The following MLXIP variants were observed in gnomAD, a reference collection of about 807,000 sequenced individuals.
MLXIP encodes the protein MLX interacting protein.
In MLXIP, 30 loss-of-function variants were observed where a neutral mutation model predicts 87.2. That is an observed-to-expected ratio of 0.34 (90% CI 0.26 to 0.47). The LOEUF is 0.47. Ranked by LOEUF, MLXIP falls within the 20% of genes least tolerant of loss-of-function variation. MLXIP has a pLI of 1.00. For missense variants in MLXIP, 1,002 were observed against 1,240.1 expected (o/e 0.81, Z 2.88); for synonymous variants, 530 against 514.0 (o/e 1.03, Z -0.42).
chr12:122,080,720 TA>T (rs1952078517), intron 1 of MLXIP, among the ~76,000 whole-genome samples: 1 of 152,148 alleles, frequency 6.6e-6, no homozygotes, highest in Admixed American at 6.5e-5. Context: ...TTCTGCTTTT[TA>T]AAAAACAAAT....
At chr12:122,094,188 GT>G in intron 1 of MLXIP, among the ~76,000 whole-genome samples, 2 of 106,372 alleles carry the variant, frequency 1.9e-5, no homozygotes, top group South Asian at 6.4e-4. Flanking sequence ...GTTGGTGTGT[GT>G]TGTGTGTGTT....
chr12:122,130,441 G>A (rs74835914), intron 6 of MLXIP, among the ~76,000 whole-genome samples: 2,891 of 151,700 alleles, frequency 0.019, 100 homozygotes, highest in African/African-American at 0.067. Flanking sequence ...CTAAGCCGAG[G>A]CGGCCGGGCC....
chr12:122,092,510 A>C (rs1952261590), intron 1 of MLXIP, among the ~76,000 whole-genome samples: 1 of 152,116 alleles, frequency 6.6e-6, no homozygotes, highest in Admixed American at 6.6e-5. Context: ...TGCCTGGTAC[A>C]CCCCAGAGGT....
Position 122,113,906 on chromosome 12 carries a change from C to T in MLXIP, c.414-13350C>T, listed in dbSNP as rs183110512. Among the ~76,000 whole-genome samples the T allele has an allele frequency of 1.2e-4, 18 of 151,098 alleles. 1 individual carries two copies. The South Asian group carries it at 2.3e-3, about 19-fold the overall frequency. ...TTCACTGTGTTAGCCAGGATGGTCTCGAACTCCTGACCTCGTGATCCGCCC... is the reference window on the plus strand; with the variant it reads ...TTCACTGTGTTAGCCAGGATGGTCTTGAACTCCTGACCTCGTGATCCGCCC... On this transcript the variant is annotated intron_variant, in intron 1 of 16. Transcript: ENST00000319080.
intron 1 of MLXIP, among the ~76,000 whole-genome samples, chr12:122,090,286 A>G (rs982381120): frequency 6.6e-6 from 1 of 152,170 alleles, no homozygotes; most frequent in African/African-American, 2.4e-5. Context: ...ATTTGAGGTC[A>G]GGAGTTCGAG....
chr12:122,109,937 G>C (rs886365160), intron 1 of MLXIP, among the ~76,000 whole-genome samples: 4 of 152,198 alleles, frequency 2.6e-5, no homozygotes, highest in Admixed American at 2.6e-4. Flanking sequence ...TGTGGTTGCA[G>C]TGGGTGTTAC....
chr12:122,085,003 G>T (rs944545357), intron 1 of MLXIP, among the ~76,000 whole-genome samples: 1 of 152,114 alleles, frequency 6.6e-6, no homozygotes, highest in Admixed American at 6.5e-5. Flanking sequence ...ACTTGTCCAC[G>T]GAAAAGTGTC....
chr12:122,117,366 G>C (rs923974446), intron 1 of MLXIP, among the ~76,000 whole-genome samples: 1 of 152,206 alleles, frequency 6.6e-6, no homozygotes. Flanking sequence ...CCCCTCCCGC[G>C]TGCCAGCTCC....
intron 1 of MLXIP, among the ~76,000 whole-genome samples, chr12:122,124,113 C>A (rs1214026766): frequency 2.0e-5 from 3 of 151,876 alleles, no homozygotes; most frequent in Admixed American, 1.3e-4. Flanking sequence ...TGTGCTCCCA[C>A]CCAAGGCGTG....
intron 1 of MLXIP, among the ~76,000 whole-genome samples, chr12:122,095,852 C>G (rs1952343310): frequency 6.6e-6 from 1 of 150,990 alleles, no homozygotes; most frequent in Non-Finnish European, 1.5e-5. Context: ...TATATATTTT[C>G]CTTATTTTTA....
chr12:122,141,413 A>C (rs935145472), intron 16 of MLXIP, among the ~76,000 whole-genome samples: 1 of 152,228 alleles, frequency 6.6e-6, no homozygotes, highest in African/African-American at 2.4e-5. Context: ...TTAAGGTTAT[A>C]GAAGCTTAAT....
At chr12:122,128,970 A>G (rs996549154) in intron 3 of MLXIP, 167 bp from the exon 4 acceptor site, 3 of 634,214 alleles carry the variant, frequency 4.7e-6, no homozygotes, top group Admixed American at 4.8e-5. Context: ...GGTCTGCTAT[A>G]GCATGGAAGA....
rs900798512 is a variant in MLXIP at position 122,133,426 on chromosome 12, C to G, written c.1171C>G (p.Leu391Val). 2.5e-6 allele frequency: 4 copies of G among 1,612,644 alleles called. No homozygotes were observed. The highest frequency in any genetic ancestry group is 3.4e-6 in the Non-Finnish European group (4 of 1,179,120). The change falls in exon 9 of 17, where the codon CTG (leucine) becomes GTG (valine). Residue 391 changes from leucine to valine, a missense_variant. By Grantham distance (32) the Leu-to-Val change is conservative. Around this residue, in one of 3 missense-constraint regions of MLXIP, gnomAD observed 746 missense variants for 897.0 expected, o/e 0.83. Coordinates refer to ENST00000319080, the MANE Select transcript of MLXIP (RefSeq NM_014938.6). This position sits in a 1 kb window ranked among gnomAD's most constrained non-coding sequence, Gnocchi z 4.9. Reference protein sequence around the residue: ...SLIAPPTAPSLAHMDEQGCEH... With the variant: ...SLIAPPTAPSVAHMDEQGCEH... Reference sequence around the variant, plus strand: ...CATCGCGCCCCCTACCGCCCCATCCCTGGCTCACATGGATGAGCAGGGCTG... The same window carrying G: ...CATCGCGCCCCCTACCGCCCCATCCGTGGCTCACATGGATGAGCAGGGCTG...
intron 1 of MLXIP, among the ~76,000 whole-genome samples, chr12:122,092,876 A>G (rs1477955150): frequency 1.4e-5 from 2 of 145,254 alleles, no homozygotes; most frequent in Admixed American, 7.0e-5. Flanking sequence ...TATGTTACCT[A>G]TCTTCGGCTT....
chr12:122,125,291 C>T (rs1260392270), intron 1 of MLXIP, among the ~76,000 whole-genome samples: 6 of 150,358 alleles, frequency 4.0e-5, no homozygotes, highest in Non-Finnish European at 2.9e-5. Context: ...AAGATCTCGC[C>T]ACTGCACTCC....
intron 1 of MLXIP, among the ~76,000 whole-genome samples, chr12:122,110,906 T>C (rs1007064966): frequency 1.3e-5 from 2 of 151,848 alleles, no homozygotes; most frequent in African/African-American, 4.8e-5. Flanking sequence ...TGAAACCCCG[T>C]CTCTACTAAA....
At chr12:122,079,839 T>C (rs1177695495) in intron 1 of MLXIP, among the ~76,000 whole-genome samples, 1 of 152,248 alleles carries the variant, frequency 6.6e-6, no homozygotes, top group East Asian at 1.9e-4. Context: ...ACCTGGAGGC[T>C]GGCCCCCTTA....
Position 122,133,325 on chromosome 12 carries a change from TG to T in MLXIP, c.1093-21del. 1 of 1,535,484 alleles carries T rather than the reference TG, an allele frequency of 6.5e-7. No individual in the cohort carries two copies. ...ATTGTCTGACCCCAGCATTGCTTCCTGGCTCCTTTCTTCCTTTTTCAGGAGA... is the reference window on the plus strand; with the variant it reads ...ATTGTCTGACCCCAGCATTGCTTCCTGCTCCTTTCTTCCTTTTTCAGGAGA... On this transcript the variant is annotated intron_variant, in intron 8 of 16. Transcript: ENST00000319080. The surrounding 1 kb of genome is among the most constrained non-coding windows in gnomAD (Gnocchi z 4.9).
chr12:122,125,122 C>A (rs1424919027), intron 1 of MLXIP, among the ~76,000 whole-genome samples: 1 of 152,190 alleles, frequency 6.6e-6, no homozygotes. Flanking sequence ...GCTGAGGTCG[C>A]GCCATTGCAC....
Sources: gnomAD v4.1 joint callset for allele counts (sites outside exome capture counted in the v4.1 genomes callset) on GRCh38, gnomAD v4.1.1 for gene constraint, gnomAD v4.1.1 regional missense constraint, Gnocchi (gnomAD v3.1) non-coding constraint, MANE v1.5 for transcripts, NCBI Gene and HGNC (gene_info 2026-07-23, HGNC 2026-07-21) for gene names.